Variants in SFXN5 observed in about 807,000 individuals in gnomAD.
SFXN5 encodes sideroflexin 5, also known as sideroflexin-5.
In SFXN5, 43 loss-of-function variants were observed where a neutral mutation model predicts 50.2. That is an observed-to-expected ratio of 0.86 (90% confidence interval 0.67 to 1.11). The LOEUF (loss-of-function observed/expected upper bound fraction) is 1.11. SFXN5 is among the 50% of genes least tolerant of loss of function. SFXN5 has a pLI of 0.00. For missense variants in SFXN5, 463 were observed against 454.1 expected, an observed-to-expected ratio of 1.02 and a Z score of -0.18; for synonymous variants, 203 against 185.8, an observed-to-expected ratio of 1.09 and a Z score of -0.75.
At position 73,051,535 on chromosome 2, in the gene SFXN5, C is replaced by T. The variant is rs368864350; in HGVS notation, c.171+6993G>A. ...CCTCCCAAAGTGCTGGGATTACAGG[C>T]GTGAGCCACCGCCCCCAGCCTTCCA... On this transcript the variant is annotated intron_variant, in intron 2 of 13. Transcript: ENST00000272433. Among the ~76,000 whole-genome samples, 48 of 152,270 alleles carry T rather than the reference C, an allele frequency of 3.2e-4. 1 individual carries two copies. In the East Asian group the frequency reaches 5.4e-3, roughly 17 times the overall value.
intron 3 of SFXN5, among the ~76,000 whole-genome samples, chr2:73,040,163 T>C (rs953535507): frequency 3.3e-5 from 5 of 152,164 alleles, no homozygotes; most frequent in Admixed American, 6.6e-5. Context: ...ACACATGACT[T>C]TGAAAATGTT....
intron 6 of SFXN5, among the ~76,000 whole-genome samples, chr2:73,003,017 G>A (rs1029275072): frequency 6.6e-6 from 1 of 152,156 alleles, no homozygotes; most frequent in Admixed American, 6.5e-5. Flanking sequence ...CAACAGAGAC[G>A]GTCTTTTCTG....
At chr2:72,990,449 A>G (rs1278867167) in intron 9 of SFXN5, among the ~76,000 whole-genome samples, 1 of 152,088 alleles carries the variant, frequency 6.6e-6, no homozygotes, top group Non-Finnish European at 1.5e-5. Flanking sequence ...CTCACCCCCA[A>G]AAAAGTGCAT....
intron 9 of SFXN5, chr2:72,997,942 G>C (rs6546794): frequency 0.3 from 45,160 of 152,016 alleles, 7,605 homozygotes; most frequent in East Asian, 0.5. Context: ...TTGGAGTGCA[G>C]TGGCTGTTCA....
At chr2:73,028,081 T>C (rs1677817741) in intron 3 of SFXN5, among the ~76,000 whole-genome samples, 1 of 152,224 alleles carries the variant, frequency 6.6e-6, no homozygotes, top group South Asian at 2.1e-4. Flanking sequence ...TACAGGTTTG[T>C]AGCCTAGGAG....
At chr2:73,004,809 T>C (rs1674408990) in intron 6 of SFXN5, among the ~76,000 whole-genome samples, 2 of 152,178 alleles carry the variant, frequency 1.3e-5, no homozygotes, top group African/African-American at 4.8e-5. Flanking sequence ...CAATTCCCTA[T>C]TAGGCAAAAC....
At chr2:73,031,028 A>G (rs1185783529) in intron 3 of SFXN5, among the ~76,000 whole-genome samples, 1 of 151,874 alleles carries the variant, frequency 6.6e-6, no homozygotes, top group African/African-American at 2.4e-5. Context: ...AAAGGTAACC[A>G]CTAGAAAAAG....
chr2:73,016,180 T>C (rs965337100), intron 6 of SFXN5, among the ~76,000 whole-genome samples: 24 of 152,216 alleles, frequency 1.6e-4, no homozygotes, highest in African/African-American at 5.3e-4. Flanking sequence ...AAATGTCTAT[T>C]TAATTAGTCC....
chr2:72,951,111 C>G (rs1248746521), intron 13 of SFXN5, among the ~76,000 whole-genome samples: 1 of 152,114 alleles, frequency 6.6e-6, no homozygotes, highest in African/African-American at 2.4e-5. Flanking sequence ...GGGAGCACTG[C>G]CTGATGGTCG....
At chr2:73,009,725 G>A (rs1372063274) in intron 6 of SFXN5, among the ~76,000 whole-genome samples, 1 of 152,218 alleles carries the variant, frequency 6.6e-6, no homozygotes, top group East Asian at 1.9e-4. Context: ...GTCCTGTTAG[G>A]ACATTCACAG....
At chr2:72,991,657 G>A (rs762764356) in intron 9 of SFXN5, among the ~76,000 whole-genome samples, 5 of 152,246 alleles carry the variant, frequency 3.3e-5, no homozygotes, top group Admixed American at 2.0e-4. Context: ...TTAGGAGCCC[G>A]TCTGTTCTGG....
rs567962612 is a variant in SFXN5, at chr2:73,044,365, G to A, written c.172-3434C>T. On this transcript the variant is annotated intron_variant, in intron 2 of 13. Transcript: ENST00000272433. ...TGGCCTTGGACCTTACGAAACCTCT[G>A]TCAAAGGCCGAGGGGCTGAGGCTCC... 2.6e-5 allele frequency: 4 copies of A among 152,396 alleles called. No homozygotes were observed. The East Asian group carries it at 7.7e-4, about 29-fold the overall frequency. The allele number at this position is 152,396 out of a possible 1,614,324, so 9.4% of individuals were successfully genotyped here. A position where few individuals can be genotyped will look rare whatever the true frequency, so the allele number is the denominator to read the frequency against.
intron 6 of SFXN5, among the ~76,000 whole-genome samples, chr2:73,012,423 AT>A (rs912904254): frequency 6.6e-6 from 1 of 151,610 alleles, no homozygotes; most frequent in Non-Finnish European, 1.5e-5. Context: ...TACAGAGAAG[AT>A]TTTTTTTTAA....
chr2:73,037,838 A>G (rs1679157643), intron 3 of SFXN5, among the ~76,000 whole-genome samples: 1 of 152,168 alleles, frequency 6.6e-6, no homozygotes, highest in African/African-American at 2.4e-5. Context: ...AAGACTCAAA[A>G]CTTTCTTCTC....
intron 3 of SFXN5, among the ~76,000 whole-genome samples, chr2:73,037,293 A>G (rs2105909832): frequency 6.6e-6 from 1 of 152,108 alleles, no homozygotes; most frequent in Non-Finnish European, 1.5e-5. Context: ...TTTCACTGTC[A>G]CTGCCTGGTT....
intron 1 of SFXN5, among the ~76,000 whole-genome samples, chr2:73,064,516 A>T (rs1289468267): frequency 2.0e-5 from 3 of 152,244 alleles, no homozygotes; most frequent in Non-Finnish European, 4.4e-5. Flanking sequence ...GAAGTAAATG[A>T]TTAAAATATA....
At chr2:73,064,988 T>C (rs768556703) in intron 1 of SFXN5, among the ~76,000 whole-genome samples, 3 of 152,194 alleles carry the variant, frequency 2.0e-5, no homozygotes, top group Non-Finnish European at 4.4e-5. Context: ...GGTTTCGCCA[T>C]GTTGCCTGGA....
intron 13 of SFXN5, among the ~76,000 whole-genome samples, chr2:72,947,154 A>G (rs774463826): frequency 1.4e-4 from 22 of 152,088 alleles, no homozygotes; most frequent in Non-Finnish European, 3.1e-4. Context: ...ACCTCTCCAC[A>G]TTAGATCACA....
At chr2:73,023,078 G>T (rs1677101523) in intron 4 of SFXN5, 110 bp downstream of exon 4, 6 of 1,070,148 alleles carry the variant, frequency 5.6e-6, no homozygotes, top group South Asian at 1.5e-5. Context: ...GGGCAAATGT[G>T]AGAGCCCGAA....
Sources: allele counts gnomAD v4.1 joint callset (sites outside exome capture counted in the v4.1 genomes callset), GRCh38; gene constraint gnomAD v4.1.1; transcripts MANE v1.5; gene names NCBI Gene and HGNC (gene_info 2026-07-23, HGNC 2026-07-21).